Variants in ST7 observed in about 807,000 individuals in gnomAD.
ST7 encodes suppressor of tumorigenicity 7 protein.
In ST7, 28 loss-of-function variants were observed where a neutral mutation model predicts 78.7. That is an observed-to-expected ratio of 0.36 (90% confidence interval 0.26 to 0.49). The LOEUF is 0.49. Among genes scored for constraint, ST7 ranks in the 20% least tolerant of loss-of-function variants. The probability of loss-of-function intolerance (pLI) is 0.99; values close to 1 mark genes in which losing one functional copy is unlikely to be tolerated. For missense variants in ST7, 418 were observed against 696.0 expected, an observed-to-expected ratio of 0.60 and a Z score of 4.49; for synonymous variants, 247 against 249.6, an observed-to-expected ratio of 0.99 and a Z score of 0.10.
intron 1 of ST7, among the ~76,000 whole-genome samples, chr7:116,997,996 C>T (rs370394152): frequency 2.0e-5 from 3 of 152,254 alleles, no homozygotes; most frequent in Non-Finnish European, 2.9e-5. Flanking sequence ...CGTGTGCCCT[C>T]GCTCCTCAGC....
chr7:117,013,234 A>C (rs1420699709), intron 1 of ST7, among the ~76,000 whole-genome samples: 3 of 152,212 alleles, frequency 2.0e-5, no homozygotes, highest in African/African-American at 7.2e-5. Context: ...TGAGCTTACT[A>C]TTTTAAAACA....
At chr7:116,959,926 A>G (rs1317403205) in intron 1 of ST7, 1 of 153,384 alleles carries the variant, frequency 6.5e-6, no homozygotes, top group Non-Finnish European at 1.5e-5. Context: ...CATTGAGTGC[A>G]AAGTGTAGCA....
chr7:117,181,738 C>A (rs73470805), intron 10 of ST7, among the ~76,000 whole-genome samples: 5,836 of 152,118 alleles, frequency 0.038, 387 homozygotes, highest in African/African-American at 0.13. Flanking sequence ...GATTGGGGAT[C>A]TAACAATAGA....
chr7:117,162,976 T>C (rs1446132096), intron 9 of ST7, among the ~76,000 whole-genome samples: 2 of 152,224 alleles, frequency 1.3e-5, no homozygotes, highest in Non-Finnish European at 1.5e-5. Flanking sequence ...TTTTTAGTTC[T>C]AGGAGCCCAA....
chr7:117,005,831 A>C (rs946805269), intron 1 of ST7, among the ~76,000 whole-genome samples: 1 of 152,204 alleles, frequency 6.6e-6, no homozygotes, highest in African/African-American at 2.4e-5. Flanking sequence ...TTTTATCTTT[A>C]ATTAGGTATT....
At chr7:117,059,807 CAAAAAA>C (rs35792944) in intron 1 of ST7, among the ~76,000 whole-genome samples, 24 of 31,998 alleles carry the variant, frequency 7.5e-4, no homozygotes, top group East Asian at 5.6e-3. Context: ...TTCATCTCTG[CAAAAAA>C]AAAAAAAAAA....
chr7:116,968,417 G>A (rs188857395), intron 1 of ST7: 446 of 447,574 alleles, frequency 1.0e-3, no homozygotes, highest in African/African-American at 8.0e-3. Context: ...TATGTTGACC[G>A]TGCTGGACTC....
chr7:117,065,060 G>A (rs1798557934), intron 1 of ST7, among the ~76,000 whole-genome samples: 1 of 152,168 alleles, frequency 6.6e-6, no homozygotes, highest in African/African-American at 2.4e-5. Context: ...TATTAAGACA[G>A]TTAAGTCTTA....
intron 1 of ST7, among the ~76,000 whole-genome samples, chr7:116,978,263 A>C (rs1196650182): frequency 6.6e-6 from 1 of 152,192 alleles, no homozygotes; most frequent in South Asian, 2.1e-4. Context: ...TTGCTTCCTG[A>C]CTTGCAGGTG....
chr7:117,060,188 C>T (rs1196943442), intron 1 of ST7, among the ~76,000 whole-genome samples: 2 of 152,124 alleles, frequency 1.3e-5, no homozygotes, highest in African/African-American at 4.8e-5. Flanking sequence ...GTACCTGAGG[C>T]ACACAGACCT....
intron 1 of ST7, among the ~76,000 whole-genome samples, chr7:117,071,815 G>A (rs1798980103): frequency 6.6e-6 from 1 of 152,204 alleles, no homozygotes; most frequent in Non-Finnish European, 1.5e-5. Context: ...ATTAGAGGCA[G>A]ATCATACAAA....
chr7:117,178,273 A>G (rs1322250630), intron 10 of ST7, among the ~76,000 whole-genome samples: 1 of 152,220 alleles, frequency 6.6e-6, no homozygotes, highest in Non-Finnish European at 1.5e-5. Context: ...TCAGAGATAA[A>G]TATAACCTAT....
intron 9 of ST7, among the ~76,000 whole-genome samples, chr7:117,142,089 A>G (rs767997904): frequency 6.6e-6 from 1 of 152,148 alleles, no homozygotes; most frequent in Non-Finnish European, 1.5e-5. Context: ...TGCCTCTTCA[A>G]CATTTAATAT....
At chr7:117,065,709 C>T (rs536627029) in intron 1 of ST7, among the ~76,000 whole-genome samples, 5 of 152,176 alleles carry the variant, frequency 3.3e-5, no homozygotes, top group Non-Finnish European at 7.3e-5. Flanking sequence ...ACAGCAGTGG[C>T]CTTCTGACTG....
rs566619408 is a variant in ST7, at chr7:117,074,252, G to A, written c.152-25510G>A. The stretch of plus-strand genomic sequence containing the variant: ...CTAAAAATACAAAAATTAGCCAGGT[G>A]TGGTGGCGCACACCTGTACTCCCAC... On this transcript the variant is annotated intron_variant, in intron 1 of 15. Coordinates refer to ENST00000323984, the MANE Select transcript of ST7 (RefSeq NM_001369598.1). Among the ~76,000 whole-genome samples, 28 of 152,248 alleles carry A rather than the reference G, an allele frequency of 1.8e-4. 1 individual carries two copies. The highest frequency in any genetic ancestry group is 6.5e-4 in the African/African-American group (27 of 41,548).
intron 12 of ST7, among the ~76,000 whole-genome samples, chr7:117,192,911 T>C (rs543656641): frequency 1.3e-5 from 2 of 152,296 alleles, no homozygotes; most frequent in Non-Finnish European, 2.9e-5. Context: ...GATTGCACTC[T>C]ACTTTCTAAT....
chr7:117,199,647 C>T (rs929431133), intron 12 of ST7, among the ~76,000 whole-genome samples: 4 of 152,334 alleles, frequency 2.6e-5, no homozygotes, highest in African/African-American at 7.2e-5. Context: ...CTCCCAGCAG[C>T]GCATTCAGCT....
At chr7:117,107,554 G>A (rs961462863) in intron 2 of ST7, among the ~76,000 whole-genome samples, 1 of 142,774 alleles carries the variant, frequency 7.0e-6, no homozygotes, top group African/African-American at 2.6e-5. Flanking sequence ...TTGGCCATTC[G>A]TATATCTTCT....
intron 2 of ST7, among the ~76,000 whole-genome samples, chr7:117,104,943 G>A (rs1288369233): frequency 1.3e-5 from 2 of 152,146 alleles, no homozygotes; most frequent in Non-Finnish European, 2.9e-5. Context: ...TGATCTTGAG[G>A]TTACAGAAAG....
Sources: gnomAD v4.1 joint callset for allele counts (sites outside exome capture counted in the v4.1 genomes callset) on GRCh38, gnomAD v4.1.1 for gene constraint, MANE v1.5 for transcripts, NCBI Gene and HGNC (gene_info 2026-07-23, HGNC 2026-07-21) for gene names.